RAP1GAP2: variants seen among roughly 807,000 people sequenced by gnomAD.
The protein encoded by RAP1GAP2 is rap1 GTPase-activating protein 2.
Under a neutral mutation model 95.0 loss-of-function variants are expected in RAP1GAP2, and 27 were observed. That is an observed-to-expected ratio of 0.28 (90% CI 0.21 to 0.39). The LOEUF is 0.39. RAP1GAP2 is among the 10% of genes least tolerant of loss of function. The pLI is 1.00. For missense variants in RAP1GAP2, 771 were observed against 970.0 expected, an observed-to-expected ratio of 0.79 and a Z score of 2.72; for synonymous variants, 373 against 380.9, an observed-to-expected ratio of 0.98 and a Z score of 0.24.
intron 19 of RAP1GAP2, among the ~76,000 whole-genome samples, chr17:3,021,113 G>A (rs1015474882): frequency 2.0e-5 from 3 of 152,134 alleles, no homozygotes; most frequent in African/African-American, 7.2e-5. Context: ...TTGATAAAAT[G>A]CATAATGATC....
At chr17:2,943,386 C>T (rs1360834648) in intron 3 of RAP1GAP2, among the ~76,000 whole-genome samples, 1 of 152,160 alleles carries the variant, frequency 6.6e-6, no homozygotes, top group Non-Finnish European at 1.5e-5. Flanking sequence ...AAGAAGTGCA[C>T]TATAGGGGTG....
intron 2 of RAP1GAP2, among the ~76,000 whole-genome samples, chr17:2,808,157 C>A (rs1280281489): frequency 6.6e-6 from 1 of 152,128 alleles, no homozygotes; most frequent in East Asian, 1.9e-4. Flanking sequence ...AGAGCCTAAT[C>A]TTTCTTGGTG....
intron 17 of RAP1GAP2, among the ~76,000 whole-genome samples, chr17:3,012,827 T>C (rs1243303894): frequency 6.6e-6 from 1 of 152,066 alleles, no homozygotes; most frequent in Non-Finnish European, 1.5e-5. Context: ...ACGATGCTGA[T>C]CTCTAGACCA....
At chr17:3,023,421 C>T (rs924419423) in intron 19 of RAP1GAP2, among the ~76,000 whole-genome samples, 13 of 152,132 alleles carry the variant, frequency 8.5e-5, no homozygotes, top group African/African-American at 2.2e-4. Context: ...AGGGAAAGGG[C>T]GGCATTTGGT....
intron 17 of RAP1GAP2, among the ~76,000 whole-genome samples, chr17:3,010,152 C>T (rs1317352378): frequency 1.3e-5 from 2 of 151,838 alleles, no homozygotes; most frequent in Admixed American, 1.3e-4. Context: ...CCATCCTGGC[C>T]AACATGGTGA....
intron 2 of RAP1GAP2, among the ~76,000 whole-genome samples, chr17:2,898,940 CA>C (rs2041932103): frequency 1.3e-5 from 2 of 152,172 alleles, no homozygotes; most frequent in Non-Finnish European, 2.9e-5. Flanking sequence ...TATTGATTAG[CA>C]GGAGTATTGA....
chr17:2,767,018 A>G (rs1160383744), intron 1 of RAP1GAP2, among the ~76,000 whole-genome samples: 1 of 151,570 alleles, frequency 6.6e-6, no homozygotes, highest in Admixed American at 6.6e-5. Context: ...CCAGTTTGTA[A>G]TGATACAGGC....
intron 2 of RAP1GAP2, among the ~76,000 whole-genome samples, chr17:2,802,445 C>G (rs965120597): frequency 6.6e-6 from 1 of 152,156 alleles, no homozygotes; most frequent in Non-Finnish European, 1.5e-5. Flanking sequence ...TGTGGTGGTT[C>G]ACGCCTGTAA....
intron 2 of RAP1GAP2, among the ~76,000 whole-genome samples, chr17:2,820,663 A>C (rs1321153271): frequency 1.3e-5 from 2 of 150,464 alleles, no homozygotes; most frequent in East Asian, 3.9e-4. Context: ...CACTGCTCCC[A>C]ATTCTATGAT....
chr17:2,951,824 A>G (rs2043934666), intron 3 of RAP1GAP2, among the ~76,000 whole-genome samples: 1 of 152,192 alleles, frequency 6.6e-6, no homozygotes, highest in African/African-American at 2.4e-5. Context: ...ATTTGAGGTC[A>G]GGAGTTCAAG....
intron 1 of RAP1GAP2, among the ~76,000 whole-genome samples, chr17:2,779,055 A>G (rs2068576265): frequency 6.6e-6 from 1 of 152,154 alleles, no homozygotes; most frequent in South Asian, 2.1e-4. Flanking sequence ...GCAGCTTCCA[A>G]GAAGGCCCAG....
chr17:2,994,668 A>T (rs1251299904), intron 12 of RAP1GAP2, among the ~76,000 whole-genome samples: 1 of 152,230 alleles, frequency 6.6e-6, no homozygotes, highest in Non-Finnish European at 1.5e-5. Context: ...GAGAGCAAAG[A>T]AAGGCCGGCG....
intron 2 of RAP1GAP2, among the ~76,000 whole-genome samples, chr17:2,815,508 G>T (rs1003608590): frequency 1.4e-5 from 2 of 143,770 alleles, no homozygotes; most frequent in African/African-American, 2.6e-5. Flanking sequence ...TTGAGACAGA[G>T]TCTCGCTTTG....
intron 8 of RAP1GAP2, among the ~76,000 whole-genome samples, chr17:2,967,781 G>A (rs1199976522): frequency 1.3e-5 from 2 of 152,188 alleles, no homozygotes; most frequent in Non-Finnish European, 2.9e-5. Flanking sequence ...AAATTCCCCT[G>A]CTGGCGGTGA....
At chr17:2,798,550 C>CA (rs1421520359) in intron 1 of RAP1GAP2, among the ~76,000 whole-genome samples, 2 of 151,348 alleles carry the variant, frequency 1.3e-5, no homozygotes, top group Admixed American at 6.6e-5. Context: ...CCTGGTCCCT[C>CA]CAGACAGTGA....
At chr17:2,875,574 T>A (rs9898759) in intron 2 of RAP1GAP2, among the ~76,000 whole-genome samples, 35,824 of 151,976 alleles carry the variant, frequency 0.24, 4,590 homozygotes, top group African/African-American at 0.34. Flanking sequence ...ACTTAGCTCA[T>A]GGAGCGGGTG....
intron 1 of RAP1GAP2, among the ~76,000 whole-genome samples, chr17:2,761,040 C>T (rs1231521557): frequency 4.0e-5 from 6 of 151,534 alleles, no homozygotes; most frequent in African/African-American, 9.7e-5. Flanking sequence ...CTGCAACCTC[C>T]GCCTCCGGGG....
chr17:2,878,158 C>T (rs984325247), intron 2 of RAP1GAP2, among the ~76,000 whole-genome samples: 1 of 152,024 alleles, frequency 6.6e-6, no homozygotes, highest in Non-Finnish European at 1.5e-5. Context: ...ATGTTGCCGG[C>T]CGGGGACACA....
chr17:2,961,139 C>T (rs577953538), intron 4 of RAP1GAP2, among the ~76,000 whole-genome samples: 7 of 152,086 alleles, frequency 4.6e-5, no homozygotes, highest in East Asian at 1.9e-4. Context: ...ATCACTTGAA[C>T]GCGGGAGGTG....
Sources: allele counts gnomAD v4.1 joint callset (sites outside exome capture counted in the v4.1 genomes callset), GRCh38; gene constraint gnomAD v4.1.1; transcripts MANE v1.5; gene names NCBI Gene and HGNC (gene_info 2026-07-23, HGNC 2026-07-21).